The following NR3C2 variants were observed in gnomAD, a reference collection of about 807,000 sequenced individuals.
NR3C2 encodes nuclear receptor subfamily 3 group C member 2.
In NR3C2, 15 loss-of-function variants were observed where a neutral mutation model predicts 86.4. The observed-to-expected ratio is 0.17, with a 90% CI of 0.12 to 0.27. The LOEUF (loss-of-function observed/expected upper bound fraction) is 0.27. Among genes scored for constraint, NR3C2 ranks in the 10% least tolerant of loss-of-function variants. NR3C2 has a pLI of 1.00. For synonymous variants in NR3C2, 458 were observed against 450.5 expected (o/e 1.02, Z -0.21); for missense variants, 960 against 1,195.6 (o/e 0.80, Z 2.91).
intron 2 of NR3C2, among the ~76,000 whole-genome samples, chr4:148,390,421 G>C (rs1201616518): frequency 1.3e-5 from 2 of 152,138 alleles, no homozygotes; most frequent in African/African-American, 2.4e-5. Context: ...TAGGTAAGAA[G>C]TGTGAGACGG....
chr4:148,262,923 C>A (rs1414531141), intron 2 of NR3C2, among the ~76,000 whole-genome samples: 1 of 152,124 alleles, frequency 6.6e-6, no homozygotes, highest in South Asian at 2.1e-4. Flanking sequence ...TGATCAATCT[C>A]CAAACACTCC....
At chr4:148,141,446 T>A (rs6846217) in intron 6 of NR3C2, among the ~76,000 whole-genome samples, 30,419 of 149,240 alleles carry the variant, frequency 0.2, 4,896 homozygotes, top group African/African-American at 0.45. Flanking sequence ...TCCCTCTCTC[T>A]CACACACACA....
At chr4:148,358,171 C>T (rs187357969) in intron 2 of NR3C2, among the ~76,000 whole-genome samples, 2,882 of 152,140 alleles carry the variant, frequency 0.019, 85 homozygotes, top group African/African-American at 0.065. Context: ...CACATGCACA[C>T]GTATGTTTAT....
chr4:148,364,491 T>C (rs954172280), intron 2 of NR3C2, among the ~76,000 whole-genome samples: 1 of 152,232 alleles, frequency 6.6e-6, no homozygotes, highest in Non-Finnish European at 1.5e-5. Flanking sequence ...TAAAGAGTAA[T>C]GATACTGAGC....
chr4:148,366,900 C>A (rs72729968), intron 2 of NR3C2, among the ~76,000 whole-genome samples: 16,095 of 152,080 alleles, frequency 0.11, 982 homozygotes, highest in Middle Eastern at 0.28. Context: ...ATTACACTGG[C>A]AACATGACTT....
chr4:148,132,692 C>T (rs1733092100), intron 6 of NR3C2, among the ~76,000 whole-genome samples: 1 of 152,108 alleles, frequency 6.6e-6, no homozygotes, highest in African/African-American at 2.4e-5. Context: ...TTTGCTTATT[C>T]CGAGAAATTT....
At chr4:148,308,533 T>C (rs1248168817) in intron 2 of NR3C2, among the ~76,000 whole-genome samples, 1 of 151,862 alleles carries the variant, frequency 6.6e-6, no homozygotes, top group African/African-American at 2.4e-5. Context: ...AAAAAGTTGA[T>C]CTCTCATAGA....
At chr4:148,188,158 A>G (rs1173905781) in intron 4 of NR3C2, among the ~76,000 whole-genome samples, 1 of 152,164 alleles carries the variant, frequency 6.6e-6, no homozygotes, top group African/African-American at 2.4e-5. Flanking sequence ...GGATGTCTCC[A>G]GGTTTGTTCT....
upstream of NR3C2, chr4:148,442,559 A>T: frequency 1.3e-6 from 1 of 760,870 alleles, no homozygotes; most frequent in Non-Finnish European, 1.6e-6. Context: ...TCAGGTTGCT[A>T]TCCCGCCCCC....
At chr4:148,122,198 T>G (rs1732538252) in intron 6 of NR3C2, among the ~76,000 whole-genome samples, 1 of 152,248 alleles carries the variant, frequency 6.6e-6, no homozygotes, top group African/African-American at 2.4e-5. Flanking sequence ...TTTGGGTGTC[T>G]TCTTTGGTGA....
At chr4:148,264,195 T>C (rs1740263591) in intron 2 of NR3C2, among the ~76,000 whole-genome samples, 1 of 152,138 alleles carries the variant, frequency 6.6e-6, no homozygotes, top group Admixed American at 6.5e-5. Flanking sequence ...CTTGCAAACA[T>C]ATGCATTATT....
intron 2 of NR3C2, among the ~76,000 whole-genome samples, chr4:148,367,728 G>A (rs1471273473): frequency 6.6e-6 from 1 of 151,922 alleles, no homozygotes; most frequent in Non-Finnish European, 1.5e-5. Context: ...AAAGATTTAT[G>A]CTCAGCATTA....
At chr4:148,210,165 C>G (rs567254831) in intron 3 of NR3C2, among the ~76,000 whole-genome samples, 1 of 152,042 alleles carries the variant, frequency 6.6e-6, no homozygotes, top group South Asian at 2.1e-4. Flanking sequence ...TGTGATACTT[C>G]ACTAATTTTA....
chr4:148,172,422 T>C lies in NR3C2; in HGVS notation c.2015-17521A>G, dbSNP rs566655905. The stretch of plus-strand genomic sequence containing the variant: ...ATTATCATTTAAGAAGTTGCCAAAC[T>C]ATGCTATGTAAGTCAACAATAAGGA... On this transcript the variant is annotated intron_variant, in intron 4 of 8. Transcript: ENST00000358102. 1.2e-4 allele frequency among the ~76,000 whole-genome samples: 18 copies of C among 152,346 alleles called. No homozygotes were observed. The South Asian group carries it at 3.5e-3, about 30-fold the overall frequency.
chr4:148,309,137 C>G (rs1324184639), intron 2 of NR3C2, among the ~76,000 whole-genome samples: 1 of 151,664 alleles, frequency 6.6e-6, no homozygotes, highest in Non-Finnish European at 1.5e-5. Flanking sequence ...ACCCTCTGAA[C>G]AGGTATGATT....
intron 6 of NR3C2, among the ~76,000 whole-genome samples, chr4:148,134,876 C>T (rs951452468): frequency 1.3e-5 from 2 of 151,116 alleles, no homozygotes; most frequent in Non-Finnish European, 3.0e-5. Flanking sequence ...AGGCTGGTCT[C>T]GAACTCCTGA....
chr4:148,380,902 T>G lies in NR3C2; in HGVS notation c.1757+54202A>C, dbSNP rs191568077. ...AATATTTAAAAATTATACACACTGA[T>G]ATAAAATTTTATACACATATAATAC... On this transcript the variant is annotated intron_variant, in intron 2 of 8. Transcript: ENST00000358102. 2.9e-3 allele frequency among the ~76,000 whole-genome samples: 441 copies of G among 152,330 alleles called. 2 individuals are homozygous for G. Among genetic ancestry groups the G allele is most frequent in the African/African-American group, 9.8e-3 (407 of 41,576 alleles).
chr4:148,217,330 T>C (rs1019301278), intron 3 of NR3C2, among the ~76,000 whole-genome samples: 2 of 152,224 alleles, frequency 1.3e-5, no homozygotes, highest in Non-Finnish European at 2.9e-5. Context: ...CATTTCAGAA[T>C]ACGAATACAG....
At chr4:148,194,403 G>A (rs577935409) in intron 4 of NR3C2, among the ~76,000 whole-genome samples, 2 of 152,210 alleles carry the variant, frequency 1.3e-5, no homozygotes, top group African/African-American at 2.4e-5. Context: ...TCACATATAG[G>A]TCTAATTTCT....
Sources: allele counts gnomAD v4.1 joint callset (sites outside exome capture counted in the v4.1 genomes callset), GRCh38; gene constraint gnomAD v4.1.1; transcripts MANE v1.5; gene names NCBI Gene and HGNC (gene_info 2026-07-23, HGNC 2026-07-21).